TNNI3K: variants seen among roughly 807,000 people sequenced by gnomAD.
The protein encoded by TNNI3K is TNNI3 interacting kinase.
A neutral mutation model predicts 114.5 loss-of-function variants in TNNI3K; 140 were observed. The ratio of observed to expected loss-of-function variants is 1.22; its 90% CI spans 1.07 to 1.41. The LOEUF (loss-of-function observed/expected upper bound fraction) is 1.41. TNNI3K is among the 40% of genes most tolerant of loss of function. TNNI3K has a pLI of 0.00. For synonymous variants in TNNI3K, 347 were observed against 347.5 expected (o/e 1.00, Z 0.02); for missense variants, 1,125 against 1,007.6 (o/e 1.12, Z -1.58).
intron 2 of TNNI3K, among the ~76,000 whole-genome samples, chr1:74,243,793 A>C (rs772583075): frequency 6.6e-6 from 1 of 152,188 alleles, no homozygotes; most frequent in Non-Finnish European, 1.5e-5. Flanking sequence ...AAATATATTC[A>C]TAATAGTGGC....
chr1:74,542,304 G>T (rs1218294987), intron 24 of TNNI3K, among the ~76,000 whole-genome samples: 3 of 152,184 alleles, frequency 2.0e-5, no homozygotes, highest in Non-Finnish European at 2.9e-5. Flanking sequence ...ATTGCATGTG[G>T]TATGTTAGAA....
chr1:74,343,528 T>A lies in TNNI3K; in HGVS notation c.932+349T>A, dbSNP rs558583345. 1.1e-4 allele frequency among the ~76,000 whole-genome samples: 17 copies of A among 152,316 alleles called. No homozygotes were observed. In the South Asian group the frequency reaches 3.3e-3, roughly 30 times the overall value. The stretch of plus-strand genomic sequence containing the variant: ...AAGCTGCCAAAAAGGGATGTGCCCA[T>A]AATCCTCCTCCAACAAGAATCTCAT... On this transcript the variant is annotated intron_variant, in intron 9 of 24. Coordinates refer to ENST00000326637, the MANE Select transcript of TNNI3K (RefSeq NM_015978.3).
intron 11 of TNNI3K, among the ~76,000 whole-genome samples, chr1:74,362,243 A>C (rs1662006631): frequency 6.6e-6 from 1 of 152,144 alleles, no homozygotes; most frequent in African/African-American, 2.4e-5. Context: ...GATATATTAA[A>C]ATATTGAACA....
chr1:74,238,770 A>T (rs1654015236), intron 2 of TNNI3K, among the ~76,000 whole-genome samples: 1 of 152,036 alleles, frequency 6.6e-6, no homozygotes, highest in African/African-American at 2.4e-5. Flanking sequence ...GACATTAAAG[A>T]AGCTACAGAA....
chr1:74,328,092 A>C (rs1423486095), intron 5 of TNNI3K, among the ~76,000 whole-genome samples: 1 of 152,146 alleles, frequency 6.6e-6, no homozygotes, highest in African/African-American at 2.4e-5. Flanking sequence ...TAAAAATTCT[A>C]TCATATAATT....
intron 23 of TNNI3K, among the ~76,000 whole-genome samples, chr1:74,527,892 G>A (rs536700252): frequency 4.5e-4 from 68 of 152,172 alleles, no homozygotes; most frequent in Admixed American, 1.7e-3. Flanking sequence ...GTGGTGGATG[G>A]GAGTGGTGGG....
intron 2 of TNNI3K, among the ~76,000 whole-genome samples, chr1:74,246,983 A>T (rs1238492232): frequency 6.6e-6 from 1 of 152,124 alleles, no homozygotes; most frequent in African/African-American, 2.4e-5. Context: ...AACCTATTTA[A>T]GCTTCAATTT....
intron 5 of TNNI3K, among the ~76,000 whole-genome samples, chr1:74,322,129 A>T (rs867337871): frequency 7.2e-5 from 11 of 152,346 alleles, no homozygotes; most frequent in African/African-American, 2.4e-4. Flanking sequence ...TGGTAATTTT[A>T]ATTGACATAG....
intron 17 of TNNI3K, among the ~76,000 whole-genome samples, chr1:74,435,323 G>A (rs1031034632): frequency 4.6e-5 from 7 of 152,074 alleles, no homozygotes; most frequent in East Asian, 1.9e-4. Flanking sequence ...AAAGTTATAC[G>A]TATGAGGCAC....
At chr1:74,252,807 GC>G (rs2100851988) in intron 4 of TNNI3K, among the ~76,000 whole-genome samples, 1 of 152,264 alleles carries the variant, frequency 6.6e-6, no homozygotes, top group African/African-American at 2.4e-5. Flanking sequence ...GCTCATAAAG[GC>G]AGTGTGGACC....
intron 20 of TNNI3K, among the ~76,000 whole-genome samples, chr1:74,456,854 G>A (rs1230014551): frequency 1.3e-5 from 2 of 152,084 alleles, no homozygotes; most frequent in Non-Finnish European, 2.9e-5. Flanking sequence ...GGAAGTCCAG[G>A]AACCAAATAT....
intron 23 of TNNI3K, among the ~76,000 whole-genome samples, chr1:74,528,897 A>C (rs1414456591): frequency 6.6e-6 from 1 of 152,230 alleles, no homozygotes; most frequent in Non-Finnish European, 1.5e-5. Flanking sequence ...TGACACAAGG[A>C]AGGTACAAAA....
chr1:74,254,326 C>G (rs1016685577), intron 4 of TNNI3K, among the ~76,000 whole-genome samples: 2 of 152,024 alleles, frequency 1.3e-5, no homozygotes, highest in Non-Finnish European at 2.9e-5. Flanking sequence ...ATATGATAAT[C>G]TATAGTTCAA....
intron 20 of TNNI3K, among the ~76,000 whole-genome samples, chr1:74,461,446 C>T (rs1354079071): frequency 6.7e-6 from 1 of 149,086 alleles, no homozygotes. Context: ...TGCCACTGCA[C>T]TCCAGCCTGG....
chr1:74,538,484 C>A (rs1255180337), intron 23 of TNNI3K, among the ~76,000 whole-genome samples: 1 of 152,054 alleles, frequency 6.6e-6, no homozygotes, highest in Non-Finnish European at 1.5e-5. Flanking sequence ...ACAAGAGAAA[C>A]AATTCCCCAC....
At chr1:74,294,542 ACAAAAAT>A (rs964952342) in intron 5 of TNNI3K, among the ~76,000 whole-genome samples, 26 of 152,076 alleles carry the variant, frequency 1.7e-4, no homozygotes, top group African/African-American at 5.5e-4. Flanking sequence ...TATTTACAAC[ACAAAAAT>A]CAAAAAAAGT....
rs759526192 is a variant in TNNI3K, at chr1:74,401,988, T to TTA, written c.1772+31608_1772+31609dup. 1.1e-4 allele frequency: 37 copies of TTA among 343,194 alleles called. 1 individual carries two copies. The highest frequency in any genetic ancestry group is 3.2e-4 in the South Asian group (13 of 40,462). 21.3% of individuals were successfully genotyped at this position (343,194 alleles called of 1,614,324 possible). ...GATGGAAATGATACAAAGTTAAATT[T>TTA]TATATATATATATTTTGAATATTGA... On this transcript the variant is annotated intron_variant, in intron 17 of 24. Transcript: ENST00000326637.
chr1:74,510,736 T>C (rs1054040606), intron 23 of TNNI3K, among the ~76,000 whole-genome samples: 8 of 152,208 alleles, frequency 5.3e-5, no homozygotes, highest in African/African-American at 7.2e-5. Context: ...ATGGCTAGCA[T>C]TGAAAAGTTC....
At chr1:74,437,306 T>G (rs1230624886) in intron 19 of TNNI3K, among the ~76,000 whole-genome samples, 3 of 152,070 alleles carry the variant, frequency 2.0e-5, no homozygotes, top group Non-Finnish European at 4.4e-5. Flanking sequence ...CTAACTCCAG[T>G]CCTCTCTTCT....
Sources: gnomAD v4.1 joint callset for allele counts (sites outside exome capture counted in the v4.1 genomes callset) on GRCh38, gnomAD v4.1.1 for gene constraint, MANE v1.5 for transcripts, NCBI Gene and HGNC (gene_info 2026-07-23, HGNC 2026-07-21) for gene names.